CDH20: variants seen among roughly 807,000 people sequenced by gnomAD.
CDH20 encodes cadherin 20, also known as cadherin-20.
A neutral mutation model predicts 74.2 loss-of-function variants in CDH20; 29 were observed. The ratio of observed to expected loss-of-function variants is 0.39; its 90% CI spans 0.29 to 0.53. The LOEUF is 0.53. Among genes scored for constraint, CDH20 ranks in the 20% least tolerant of loss-of-function variants. The pLI is 0.69. For synonymous variants in CDH20, 469 were observed against 405.4 expected (o/e 1.16, Z -1.88); for missense variants, 988 against 1,048.3 (o/e 0.94, Z 0.79).
chr18:61,373,416 C>T (rs1340459329), intron 1 of CDH20, among the ~76,000 whole-genome samples: 1 of 152,092 alleles, frequency 6.6e-6, no homozygotes, highest in East Asian at 1.9e-4. Flanking sequence ...CCCGAGACTA[C>T]TTCACCTAAC....
intron 1 of CDH20, among the ~76,000 whole-genome samples, chr18:61,429,135 GT>G (rs1262923092): frequency 2.6e-5 from 4 of 152,086 alleles, no homozygotes; most frequent in Non-Finnish European, 5.9e-5. Context: ...AAAATCACAA[GT>G]TTTTGACTCC....
At position 61,554,406 on chromosome 18, in the gene CDH20, A is replaced by G; in HGVS notation, c.2117A>G (p.Glu706Gly). ...KTRQDMLPEI[E>G]SLSRYVPQTC... ...CGGCAGGACATGCTGCCCGAGATCG[A>G]GAGCCTCTCCCGCTACGTGCCTCAG... The change falls in exon 12 of 12, where the codon GAG (glutamate) becomes GGG (glycine). Residue 706 changes from glutamate to glycine, a missense_variant. By Grantham distance (98) the Glu-to-Gly change is moderately conservative. Around this residue, in one of 2 missense-constraint regions of CDH20, gnomAD observed 375 missense variants for 293.1 expected, o/e 1.28. Transcript: ENST00000262717. 6.2e-7 allele frequency: 1 copy of G among 1,612,962 alleles called. No homozygotes were observed. Among genetic ancestry groups the G allele is most frequent in the African/African-American group, 1.3e-5 (1 of 75,026 alleles).
At chr18:61,466,188 CT>C (rs1246259644) in intron 1 of CDH20, among the ~76,000 whole-genome samples, 3 of 151,514 alleles carry the variant, frequency 2.0e-5, no homozygotes, top group African/African-American at 4.9e-5. Flanking sequence ...AGTAACATTA[CT>C]TTTTTTGAAA....
At chr18:61,540,451 G>A (rs919114798) in intron 9 of CDH20, among the ~76,000 whole-genome samples, 5 of 152,108 alleles carry the variant, frequency 3.3e-5, no homozygotes, top group African/African-American at 1.2e-4. Context: ...GGCTGGGGAG[G>A]CCTCACAATC....
intron 1 of CDH20, among the ~76,000 whole-genome samples, chr18:61,411,174 G>A (rs993409620): frequency 6.7e-6 from 1 of 150,132 alleles, no homozygotes; most frequent in Non-Finnish European, 1.5e-5. Flanking sequence ...CTCCCGCCTG[G>A]GTGACAGAGC....
chr18:61,461,997 A>G (rs562514538), intron 1 of CDH20, among the ~76,000 whole-genome samples: 41 of 152,170 alleles, frequency 2.7e-4, no homozygotes, highest in Non-Finnish European at 5.0e-4. Context: ...GTGAAGTTAC[A>G]AAGTTACACT....
At chr18:61,524,329 GC>G (rs1174534561) in intron 6 of CDH20, among the ~76,000 whole-genome samples, 1 of 152,100 alleles carries the variant, frequency 6.6e-6, no homozygotes. Flanking sequence ...GGTGACTAGA[GC>G]TTTCATATAC....
In CDH20 at chr18:61,433,807, G is replaced by C. The variant is rs1316255662; in HGVS notation, c.-152-56595G>C. Among the ~76,000 whole-genome samples, 6 of 152,278 alleles carry C rather than the reference G, an allele frequency of 3.9e-5. No homozygotes were observed. The East Asian group carries it at 1.2e-3, about 29-fold the overall frequency. On this transcript the variant is annotated intron_variant, in intron 1 of 11. Coordinates refer to ENST00000262717, the MANE Select transcript of CDH20 (RefSeq NM_031891.4). ...TGTTGTCACTGTTTGTGTTGTTCAA[G>C]AGCAGGATTTTGGCTTGCATTGGCT...
chr18:61,404,768 C>G lies in CDH20; in HGVS notation c.-153+70941C>G, dbSNP rs1599062218. On this transcript the variant is annotated intron_variant, in intron 1 of 11. Coordinates refer to ENST00000262717, the MANE Select transcript of CDH20 (RefSeq NM_031891.4). ...TTCCTTGGCAGTTAAAAAAATGGAA[C>G]ATTTGTTTAATTAAAAAAAAATTGT... The G allele has an allele frequency of 1.8e-5, 6 of 334,808 alleles. No individual in the cohort carries two copies. The South Asian group carries it at 2.2e-4, about 12-fold the overall frequency. The allele number at this position is 334,808 out of a possible 1,614,324, so 20.7% of individuals were successfully genotyped here. A position where few individuals can be genotyped will look rare whatever the true frequency, so the allele number is the denominator to read the frequency against.
At chr18:61,447,803 C>T (rs1909249952) in intron 1 of CDH20, among the ~76,000 whole-genome samples, 1 of 152,142 alleles carries the variant, frequency 6.6e-6, no homozygotes, top group South Asian at 2.1e-4. Flanking sequence ...ATCCGTGTTG[C>T]CGACTCTCAC....
rs564690965 is a variant in CDH20, at chr18:61,483,788, T to C, written c.-152-6614T>C. 3.9e-5 allele frequency among the ~76,000 whole-genome samples: 6 copies of C among 152,314 alleles called. No individual in the cohort carries two copies. In the South Asian group the frequency reaches 1.2e-3, roughly 32 times the overall value. On this transcript the variant is annotated intron_variant, in intron 1 of 11. Transcript: ENST00000262717. Reference sequence around the variant, plus strand: ...TTTTCTCACTTAATTACAATCACCCTGTGAGATAGAGTCTATAATTACCTC... The same window carrying C: ...TTTTCTCACTTAATTACAATCACCCCGTGAGATAGAGTCTATAATTACCTC...
rs1222703176 is a variant in CDH20, at chr18:61,549,976, A to G, written c.1649-2A>G. On this transcript the variant is annotated splice_acceptor_variant, in intron 10 of 11. Coordinates refer to ENST00000262717, the MANE Select transcript of CDH20 (RefSeq NM_031891.4). LOFTEE classifies it high-confidence loss of function. ...CAATCCTGGAACCCCTCCTTCTTTC[A>G]GATAACACAGCACGGATTCTAACCA... is the stretch of plus-strand genomic sequence containing the variant. The G allele has an allele frequency of 6.2e-7, 1 of 1,608,988 alleles. No individual in the cohort carries two copies. The highest frequency in any genetic ancestry group is 2.2e-5 in the East Asian group (1 of 44,714).
chr18:61,457,036 T>C (rs565609868), intron 1 of CDH20, among the ~76,000 whole-genome samples: 32 of 152,188 alleles, frequency 2.1e-4, no homozygotes, highest in Non-Finnish European at 4.1e-4. Context: ...AAACATTCAG[T>C]GCATGAATGC....
chr18:61,380,082 G>C (rs912373065), intron 1 of CDH20, among the ~76,000 whole-genome samples: 3 of 152,164 alleles, frequency 2.0e-5, no homozygotes, highest in Non-Finnish European at 4.4e-5. Context: ...TGTCGATTTA[G>C]AGTTGCTGCG....
chr18:61,539,035 C>A lies in CDH20; in HGVS notation c.1420C>A (p.Gln474Lys), dbSNP rs746323977. ...TGTGTTCCCTTTAGACAATCCCTCCCAGGTTGGAAGTGTTCCTGTCACAAT... is the reference window on the plus strand; with the variant it reads ...TGTGTTCCCTTTAGACAATCCCTCCAAGGTTGGAAGTGTTCCTGTCACAAT... ...VLAMEMNNPS[Q>K]VGSVPVTIKV... Residue 474 changes from glutamine (Q) to lysine (K), a missense_variant, in exon 9 of 12, where the codon CAG becomes AAG. Around this residue, in one of 2 missense-constraint regions of CDH20, gnomAD observed 613 missense variants for 755.2 expected, o/e 0.81. Transcript: ENST00000262717. 1 of 1,613,964 alleles carries A rather than the reference C, an allele frequency of 6.2e-7. No homozygotes were observed. The highest frequency in any genetic ancestry group is 1.7e-5 in the Admixed American group (1 of 60,002).
chr18:61,496,680 T>A (rs1911176831), intron 2 of CDH20, among the ~76,000 whole-genome samples: 1 of 152,150 alleles, frequency 6.6e-6, no homozygotes. Context: ...GCTGAATATT[T>A]CAAGGATCAC....
chr18:61,387,138 C>T (rs1225246347), intron 1 of CDH20, among the ~76,000 whole-genome samples: 1 of 152,162 alleles, frequency 6.6e-6, no homozygotes, highest in African/African-American at 2.4e-5. Flanking sequence ...ATCTATTCAA[C>T]CTTCACAAAT....
chr18:61,466,477 TCAC>T (rs1243623686), intron 1 of CDH20, among the ~76,000 whole-genome samples: 1 of 152,198 alleles, frequency 6.6e-6, no homozygotes, highest in African/African-American at 2.4e-5. Flanking sequence ...GCTCATGATG[TCAC>T]CACCATTTCT....
At chr18:61,488,456 AC>A (rs768472873) in intron 1 of CDH20, among the ~76,000 whole-genome samples, 21 of 152,144 alleles carry the variant, frequency 1.4e-4, no homozygotes, top group Non-Finnish European at 2.8e-4. Context: ...TTTACAGGGC[AC>A]TTTTTTGCCT....
Sources: gnomAD v4.1 joint callset for allele counts (sites outside exome capture counted in the v4.1 genomes callset) on GRCh38, gnomAD v4.1.1 for gene constraint, gnomAD v4.1.1 regional missense constraint, MANE v1.5 for transcripts, NCBI Gene and HGNC (gene_info 2026-07-23, HGNC 2026-07-21) for gene names.